Variants in ARID1B observed in about 807,000 individuals in gnomAD.
ARID1B encodes AT-rich interactive domain-containing protein 1B.
ARID1B carries 30 observed loss-of-function variants against 212.3 expected under a neutral mutation model. The observed-to-expected ratio is 0.14, with a 90% CI of 0.11 to 0.19. The LOEUF (loss-of-function observed/expected upper bound fraction) is 0.19, where lower values mean the gene tolerates loss of function less well. Ranked by LOEUF, ARID1B falls within the 10% of genes least tolerant of loss-of-function variation. The pLI, the probability that ARID1B is intolerant of heterozygous loss-of-function variation, is 1.00. For synonymous variants in ARID1B, 1,402 were observed against 1,301.7 expected, an observed-to-expected ratio of 1.08 and a Z score of -1.66; for missense variants, 2,891 against 3,204.0, an observed-to-expected ratio of 0.90 and a Z score of 2.36.
chr6:157,053,078 T>TATTG (rs201539052), intron 4 of ARID1B, among the ~76,000 whole-genome samples: 1,676 of 151,490 alleles, frequency 0.011, 16 homozygotes, highest in Non-Finnish European at 0.019. Flanking sequence ...AGAATTATTT[T>TATTG]ATTGATTGAT....
Position 157,206,330 on chromosome 6 carries a change from A to C in ARID1B, c.5558A>C (p.Lys1853Thr). ...CAGTCCTTGGCAGACGATTCTGGGA[A>C]AGAGGAGGAAGATGCTGAATGTATT... is the stretch of plus-strand genomic sequence containing the variant. ...DSQSLADDSG[K>T]EEEDAECIDD... Residue 1853 changes from lysine (K) to threonine (T), a missense_variant, in exon 20 of 20, where the codon AAA becomes ACA. Lys to Thr is a moderately conservative substitution (Grantham distance 78, BLOSUM62 -1). Transcript: ENST00000636930. This position sits in a 1 kb window ranked among gnomAD's most constrained non-coding sequence, Gnocchi z 6.8. The C allele has an allele frequency of 6.2e-7, 1 of 1,614,186 alleles. No homozygotes were observed.
At position 157,094,360 on chromosome 6, in the gene ARID1B, ATTAC is replaced by A. The variant is rs893355864; in HGVS notation, c.2491+9458_2491+9461del. 6.6e-6 allele frequency among the ~76,000 whole-genome samples: 1 copy of A among 152,054 alleles called. No homozygotes were observed. The highest frequency in any genetic ancestry group is 1.5e-5 in the Non-Finnish European group (1 of 67,976). ...TGATTATGATTTAGGAGGTTTTTTT[ATTAC>A]TTCTTTTTGAGAAGGAGTCTCACTC... is the stretch of plus-strand genomic sequence containing the variant. On this transcript the variant is annotated intron_variant, in intron 5 of 19. Coordinates refer to ENST00000636930, the MANE Select transcript of ARID1B (RefSeq NM_001374828.1). This position sits in a 1 kb window ranked among gnomAD's most constrained non-coding sequence, Gnocchi z 4.3.
intron 5 of ARID1B, among the ~76,000 whole-genome samples, chr6:157,087,916 G>C (rs1562607254): frequency 6.6e-6 from 1 of 152,128 alleles, no homozygotes; most frequent in Non-Finnish European, 1.5e-5. Flanking sequence ...AATTTCTACT[G>C]TTGTCTCTAC....
intron 5 of ARID1B, among the ~76,000 whole-genome samples, chr6:157,091,868 A>G (rs1215295632): frequency 4.6e-5 from 7 of 152,244 alleles, no homozygotes; most frequent in African/African-American, 1.4e-4. Flanking sequence ...CTAAAATGGC[A>G]TTTCTTGTAC....
chr6:156,867,975 C>T (rs1476650866), intron 2 of ARID1B, among the ~76,000 whole-genome samples: 1 of 152,062 alleles, frequency 6.6e-6, no homozygotes, highest in Non-Finnish European at 1.5e-5. Flanking sequence ...TGCTGCAGTT[C>T]CAAACTGTCC....
In ARID1B at chr6:157,210,272, T is replaced by C. The variant is rs968725906; in HGVS notation, c.*2381T>C. The C allele has an allele frequency of 8.7e-6, 2 of 231,074 alleles. No homozygotes were observed. Among genetic ancestry groups the C allele is most frequent in the Admixed American group, 5.6e-5 (1 of 17,730 alleles). The allele number at this position is 231,074 out of a possible 1,614,324, so 14.3% of individuals were successfully genotyped here. On this transcript the variant is annotated 3_prime_UTR_variant, in exon 20 of 20. Transcript: ENST00000636930. The stretch of plus-strand genomic sequence containing the variant: ...ATTTCAGTGCTCCAAGCTTCAAATA[T>C]GGAGATTTGTAAGAGGGAATTCAAT...
chr6:156,992,005 G>C (rs573916717), intron 4 of ARID1B, among the ~76,000 whole-genome samples: 1 of 152,252 alleles, frequency 6.6e-6, no homozygotes, highest in South Asian at 2.1e-4. Flanking sequence ...AAGATCTCTT[G>C]TCATGAACTC....
At chr6:157,154,362 G>A (rs1399256449) in intron 8 of ARID1B, among the ~76,000 whole-genome samples, 3 of 152,102 alleles carry the variant, frequency 2.0e-5, no homozygotes, top group Non-Finnish European at 4.4e-5. Context: ...CTAATACTGT[G>A]TTCATAAGAA....
At chr6:156,964,344 G>GAGAC (rs1336898896) in intron 4 of ARID1B, among the ~76,000 whole-genome samples, 2 of 152,338 alleles carry the variant, frequency 1.3e-5, no homozygotes, top group East Asian at 3.9e-4. Flanking sequence ...AGACACTTTA[G>GAGAC]AGACCACTCT....
intron 4 of ARID1B, among the ~76,000 whole-genome samples, chr6:156,962,644 G>A (rs1351259825): frequency 1.3e-5 from 2 of 151,792 alleles, no homozygotes; most frequent in East Asian, 3.9e-4. Flanking sequence ...CACCACCCCC[G>A]GCTAATTTTT....
chr6:157,086,699 A>G (rs1045733628), intron 5 of ARID1B, among the ~76,000 whole-genome samples: 1 of 152,354 alleles, frequency 6.6e-6, no homozygotes, highest in South Asian at 2.1e-4. Context: ...GATGCAATAC[A>G]GAAGATAAAA....
intron 5 of ARID1B, among the ~76,000 whole-genome samples, chr6:157,104,258 A>G (rs1392051043): frequency 1.3e-5 from 2 of 152,232 alleles, no homozygotes; most frequent in South Asian, 4.1e-4. Context: ...GAGAGATACA[A>G]TCTCAACATG....
At position 157,207,768 on chromosome 6, in the gene ARID1B, C is replaced by T. The variant is rs368868154; in HGVS notation, c.6996C>T (p.Asp2332=). 6.3e-6 allele frequency: 10 copies of T among 1,575,410 alleles called. No homozygotes were observed. Among genetic ancestry groups the T allele is most frequent in the Middle Eastern group, 3.4e-4 (2 of 5,904 alleles). ...AKALLAMARV[D]ENRSEFLLHE... ...CTTTGCTAGCCATGGCCAGAGTGGA[C>T]GAAAACCGCTCGGAATTCCTTTTGC... Residue 2332 remains aspartate (D), a synonymous_variant, in exon 20 of 20, where the codon GAC becomes GAT. Coordinates refer to ENST00000636930, the MANE Select transcript of ARID1B (RefSeq NM_001374828.1). This position sits in a 1 kb window ranked among gnomAD's most constrained non-coding sequence, Gnocchi z 8.5.
At chr6:156,942,298 A>G (rs1792734025) in intron 4 of ARID1B, 1 of 152,222 alleles carries the variant, frequency 6.6e-6, no homozygotes, top group Non-Finnish European at 1.5e-5. Flanking sequence ...AGAGATGATA[A>G]ATGCAGATAT....
chr6:156,921,438 A>AACACAC (rs10560265), intron 3 of ARID1B, among the ~76,000 whole-genome samples: 84 of 136,000 alleles, frequency 6.2e-4, no homozygotes, highest in African/African-American at 1.4e-3. Flanking sequence ...TTGATGGGAA[A>AACACAC]ACACACACAC....
intron 1 of ARID1B, among the ~76,000 whole-genome samples, chr6:156,801,500 C>T (rs917330639): frequency 1.3e-5 from 2 of 152,022 alleles, no homozygotes; most frequent in African/African-American, 2.4e-5. Flanking sequence ...CACCCGGCCT[C>T]ATCATTGTTT....
At chr6:156,984,223 C>G (rs149391573) in intron 4 of ARID1B, among the ~76,000 whole-genome samples, 1 of 152,074 alleles carries the variant, frequency 6.6e-6, no homozygotes, top group Non-Finnish European at 1.5e-5. Context: ...CACAGCAGTC[C>G]GGTGCAGCTC....
At chr6:156,941,951 C>G (rs1040532799) in intron 4 of ARID1B, 2 of 152,178 alleles carry the variant, frequency 1.3e-5, no homozygotes, top group Non-Finnish European at 2.9e-5. Flanking sequence ...TTCGTCATAG[C>G]TGAGATATTT....
intron 4 of ARID1B, among the ~76,000 whole-genome samples, chr6:156,967,343 G>T (rs1005728395): frequency 2.0e-5 from 3 of 152,092 alleles, no homozygotes; most frequent in Admixed American, 2.0e-4. Context: ...AATATTTAGC[G>T]ATATTAAGAC....
Sources: gnomAD v4.1 joint callset for allele counts (sites outside exome capture counted in the v4.1 genomes callset) on GRCh38, gnomAD v4.1.1 for gene constraint, Gnocchi (gnomAD v3.1) non-coding constraint, MANE v1.5 for transcripts, NCBI Gene and HGNC (gene_info 2026-07-23, HGNC 2026-07-21) for gene names.